Variants in MAGI2 observed in about 807,000 individuals in gnomAD.
MAGI2 encodes membrane associated guanylate kinase, WW and PDZ domain containing 2.
Under a neutral mutation model 133.3 loss-of-function variants are expected in MAGI2, and 35 were observed. The observed-to-expected ratio is 0.26, with a 90% CI of 0.20 to 0.35. The LOEUF (loss-of-function observed/expected upper bound fraction) is 0.35, where lower values mean the gene tolerates loss of function less well. MAGI2 is among the 10% of genes least tolerant of loss of function. The probability of loss-of-function intolerance (pLI) is 1.00; values close to 1 mark genes in which losing one functional copy is unlikely to be tolerated. For synonymous variants in MAGI2, 729 were observed against 710.6 expected (o/e 1.03, Z -0.41); for missense variants, 1,636 against 1,863.4 (o/e 0.88, Z 2.25).
At chr7:78,665,838 G>C (rs1027507505) in intron 2 of MAGI2, among the ~76,000 whole-genome samples, 3 of 152,074 alleles carry the variant, frequency 2.0e-5, no homozygotes, top group Non-Finnish European at 4.4e-5. Context: ...TTATATGCCA[G>C]GCACGTCTCT....
chr7:78,544,278 T>C (rs17437602), intron 3 of MAGI2, among the ~76,000 whole-genome samples: 37,835 of 152,188 alleles, frequency 0.25, 5,495 homozygotes, highest in Non-Finnish European at 0.32. Context: ...CAGGTATCTG[T>C]GTCAGGAACA....
chr7:78,791,302 G>C (rs1446266702), intron 2 of MAGI2, among the ~76,000 whole-genome samples: 2 of 152,082 alleles, frequency 1.3e-5, no homozygotes, highest in African/African-American at 4.8e-5. Flanking sequence ...CTTTGAAATT[G>C]GAAAAGTTTT....
At chr7:78,325,093 C>A (rs935196143) in intron 9 of MAGI2, among the ~76,000 whole-genome samples, 1 of 152,180 alleles carries the variant, frequency 6.6e-6, no homozygotes, top group Admixed American at 6.5e-5. Flanking sequence ...AAGCATGGCT[C>A]CTCCACCTTC....
chr7:78,823,374 G>A (rs894399246), intron 2 of MAGI2, among the ~76,000 whole-genome samples: 1 of 152,056 alleles, frequency 6.6e-6, no homozygotes, highest in Admixed American at 6.5e-5. Flanking sequence ...ACGAGGTCAG[G>A]AGATCGAGAC....
intron 20 of MAGI2, among the ~76,000 whole-genome samples, chr7:78,121,903 T>C (rs1406101646): frequency 6.6e-6 from 1 of 152,224 alleles, no homozygotes; most frequent in South Asian, 2.1e-4. Context: ...AAATAACTTA[T>C]AGCAGTGAAA....
At chr7:78,882,386 C>T (rs762139874) in intron 2 of MAGI2, among the ~76,000 whole-genome samples, 2 of 151,766 alleles carry the variant, frequency 1.3e-5, no homozygotes, top group Admixed American at 6.6e-5. Flanking sequence ...AACCTGCCAA[C>T]CCAAAAAAGC....
At chr7:78,548,062 C>G (rs1799015611) in intron 3 of MAGI2, among the ~76,000 whole-genome samples, 1 of 152,108 alleles carries the variant, frequency 6.6e-6, no homozygotes, top group Non-Finnish European at 1.5e-5. Context: ...ACTTCCTAAC[C>G]CCTTTCTCAA....
intron 14 of MAGI2, 41 bp from the exon 15 acceptor site, chr7:78,168,149 T>C: frequency 2.0e-6 from 3 of 1,484,218 alleles, no homozygotes; most frequent in South Asian, 1.2e-5. Context: ...CACATTTCAA[T>C]CCTTTTTCCT....
At chr7:78,808,121 G>A (rs1458046489) in intron 2 of MAGI2, among the ~76,000 whole-genome samples, 1 of 152,188 alleles carries the variant, frequency 6.6e-6, no homozygotes, top group Non-Finnish European at 1.5e-5. Context: ...AAGTGATGTG[G>A]TTAGGTAGAA....
chr7:78,076,673 C>T (rs1218389247), intron 21 of MAGI2, among the ~76,000 whole-genome samples: 5 of 148,702 alleles, frequency 3.4e-5, no homozygotes, highest in Non-Finnish European at 5.9e-5. Flanking sequence ...GGTGAAACCC[C>T]GTCTCTACTA....
At chr7:79,325,961 C>T (rs1035359825) in intron 1 of MAGI2, among the ~76,000 whole-genome samples, 4 of 152,118 alleles carry the variant, frequency 2.6e-5, no homozygotes, top group Admixed American at 6.6e-5. Flanking sequence ...TTCTGCACTT[C>T]AACTCGTGAA....
intron 9 of MAGI2, among the ~76,000 whole-genome samples, chr7:78,328,890 CAA>C (rs1014313172): frequency 6.6e-6 from 1 of 151,938 alleles, no homozygotes; most frequent in African/African-American, 2.4e-5. Context: ...TACTTTAAAA[CAA>C]AGAGAGCAGG....
intron 2 of MAGI2, among the ~76,000 whole-genome samples, chr7:78,819,348 T>A (rs1371909267): frequency 6.6e-6 from 1 of 152,080 alleles, no homozygotes; most frequent in East Asian, 1.9e-4. Context: ...ATGGCTTTTG[T>A]GGTTCAGAAG....
chr7:78,225,284 C>T (rs1052170615), intron 10 of MAGI2, among the ~76,000 whole-genome samples: 81 of 152,136 alleles, frequency 5.3e-4, no homozygotes, highest in African/African-American at 1.9e-3. Context: ...CTTGGTTTAT[C>T]GTCAGTAGAG....
chr7:78,080,729 A>G (rs948857332), intron 20 of MAGI2, among the ~76,000 whole-genome samples: 2 of 152,200 alleles, frequency 1.3e-5, no homozygotes, highest in African/African-American at 4.8e-5. Flanking sequence ...ACTCAACAGC[A>G]GTAGAAGCAG....
chr7:78,656,806 T>C (rs1812332574), intron 2 of MAGI2, among the ~76,000 whole-genome samples: 5 of 152,008 alleles, frequency 3.3e-5, no homozygotes, highest in Admixed American at 2.0e-4. Context: ...CCAATTATAC[T>C]TCAATGAAAT....
At chr7:78,159,271 T>C (rs1300861009) in intron 16 of MAGI2, among the ~76,000 whole-genome samples, 2 of 152,198 alleles carry the variant, frequency 1.3e-5, no homozygotes, top group Non-Finnish European at 2.9e-5. Flanking sequence ...GTCACCAGTG[T>C]CTCTGAACCT....
chr7:79,135,534 C>T (rs1450722576), intron 1 of MAGI2, among the ~76,000 whole-genome samples: 2 of 152,238 alleles, frequency 1.3e-5, no homozygotes, highest in East Asian at 3.9e-4. Context: ...AGCTTTTAGA[C>T]TAAATGGTGA....
At chr7:79,308,201 CA>C (rs1837973964) in intron 1 of MAGI2, among the ~76,000 whole-genome samples, 1 of 152,088 alleles carries the variant, frequency 6.6e-6, no homozygotes, top group South Asian at 2.1e-4. Flanking sequence ...AGATAATAGA[CA>C]AACTGTTATA....
Sources: allele counts gnomAD v4.1 joint callset (sites outside exome capture counted in the v4.1 genomes callset), GRCh38; gene constraint gnomAD v4.1.1; transcripts MANE v1.5; gene names NCBI Gene and HGNC (gene_info 2026-07-23, HGNC 2026-07-21).